KCNJ1: variants seen among roughly 807,000 people sequenced by gnomAD.
KCNJ1 encodes ATP-sensitive inward rectifier potassium channel 1.
KCNJ1 carries 24 observed loss-of-function variants against 21.9 expected under a neutral mutation model. The observed-to-expected ratio is 1.10, with a 90% CI of 0.79 to 1.54. The LOEUF (loss-of-function observed/expected upper bound fraction) is 1.54, where lower values mean the gene tolerates loss of function less well. KCNJ1 is among the 40% of genes most tolerant of loss of function. The pLI is 0.00. For synonymous variants in KCNJ1, 152 were observed against 160.9 expected (o/e 0.94, Z 0.42); for missense variants, 457 against 455.4 (o/e 1.00, Z -0.03).
rs561517078 is a variant in KCNJ1 at position 128,848,089 on chromosome 11, C to G, written c.-22+2632G>C. On this transcript the variant is annotated intron_variant, in intron 2 of 2. Transcript: ENST00000392666. ...GGATCACGAGGTCAGGAGATCGAGA[C>G]CATCCTGGCTAACATGGTGAAACTC... Among the ~76,000 whole-genome samples, 32 of 152,028 alleles carry G rather than the reference C, an allele frequency of 2.1e-4. No individual in the cohort carries two copies. The South Asian group carries it at 6.7e-3, about 32-fold the overall frequency.
intron 1 of KCNJ1, among the ~76,000 whole-genome samples, chr11:128,861,428 G>A (rs961794751): frequency 6.6e-6 from 1 of 152,186 alleles, no homozygotes; most frequent in Non-Finnish European, 1.5e-5. Context: ...GGCAAGATGT[G>A]AGCAGCAGGG....
At position 128,839,005 on chromosome 11, in the gene KCNJ1, C is replaced by A. The variant is rs145130405; in HGVS notation, c.*120G>T. The A allele has an allele frequency of 5.9e-5, 50 of 850,654 alleles. No homozygotes were observed. Among genetic ancestry groups the A allele is most frequent in the South Asian group, 1.7e-4 (12 of 68,696 alleles). The allele number at this position is 850,654 out of a possible 1,614,324, so 52.7% of individuals were successfully genotyped here. A position where few individuals can be genotyped will look rare whatever the true frequency, so the allele number is the denominator to read the frequency against. ...ATTGCGGGGCTCAGGGGTCTTTGTG[C>A]TGGTAGACTTTGAAGGCTCTCATCC... is the stretch of plus-strand genomic sequence containing the variant. On this transcript the variant is annotated 3_prime_UTR_variant, in exon 3 of 3. Transcript: ENST00000392666.
intron 2 of KCNJ1, among the ~76,000 whole-genome samples, chr11:128,842,189 T>G (rs1943294285): frequency 6.6e-6 from 1 of 152,236 alleles, no homozygotes; most frequent in Non-Finnish European, 1.5e-5. Context: ...CTTCTGAGTT[T>G]TTTTCCCAGC....
chr11:128,864,020 G>C (rs1014717500), intron 1 of KCNJ1, among the ~76,000 whole-genome samples: 4 of 149,230 alleles, frequency 2.7e-5, no homozygotes, highest in African/African-American at 9.8e-5. Flanking sequence ...GGTAACTTAA[G>C]GTTTGACCTT....
intron 2 of KCNJ1, among the ~76,000 whole-genome samples, chr11:128,847,187 A>C (rs765426150): frequency 2.0e-5 from 3 of 152,162 alleles, no homozygotes; most frequent in Non-Finnish European, 4.4e-5. Context: ...GCATCACCTG[A>C]AACATGCCCA....
At chr11:128,842,462 T>C in intron 2 of KCNJ1, 1 of 1,613,558 alleles carries the variant, frequency 6.2e-7, no homozygotes, top group East Asian at 2.2e-5. Context: ...GGTCTTTCTA[T>C]GCAGACTGAT....
intron 1 of KCNJ1, among the ~76,000 whole-genome samples, chr11:128,855,208 T>C (rs939637998): frequency 2.0e-5 from 3 of 152,342 alleles, no homozygotes; most frequent in Non-Finnish European, 4.4e-5. Flanking sequence ...GTTTTGGACA[T>C]ACTGTCTTCC....
Position 128,850,701 on chromosome 11 carries a change from T to A in KCNJ1, c.-22+20A>T. 1 of 980,102 alleles carries A rather than the reference T, an allele frequency of 1.0e-6. No homozygotes were observed. The highest frequency in any genetic ancestry group is 1.2e-6 in the Non-Finnish European group (1 of 825,058). 60.7% of individuals were successfully genotyped at this position (980,102 alleles called of 1,614,324 possible). The stretch of plus-strand genomic sequence containing the variant: ...GCCTGGGGTGTCCAATAGTTGCTTA[T>A]TGAAAATCAAGCCACTCACCTCTGT... On this transcript the variant is annotated intron_variant, in intron 2 of 2. Coordinates refer to ENST00000392666, the MANE Select transcript of KCNJ1 (RefSeq NM_153766.3).
chr11:128,863,826 T>C (rs1943762163), intron 1 of KCNJ1, among the ~76,000 whole-genome samples: 1 of 152,132 alleles, frequency 6.6e-6, no homozygotes, highest in Non-Finnish European at 1.5e-5. Flanking sequence ...GGTTTCTTTC[T>C]GCTATTTTTC....
At chr11:128,842,511 C>A in intron 2 of KCNJ1, 2 of 1,603,408 alleles carry the variant, frequency 1.2e-6, no homozygotes, top group South Asian at 2.2e-5. Context: ...AGGCGACAGT[C>A]AGTGGACTGA....
At chr11:128,865,253 G>A (rs1168771595) in intron 1 of KCNJ1, among the ~76,000 whole-genome samples, 3 of 152,042 alleles carry the variant, frequency 2.0e-5, no homozygotes, top group South Asian at 4.2e-4. Context: ...TGCAGGCAGC[G>A]ATGATACTAT....
intron 1 of KCNJ1, among the ~76,000 whole-genome samples, chr11:128,863,776 C>G (rs1390208863): frequency 6.6e-6 from 1 of 152,142 alleles, no homozygotes; most frequent in Admixed American, 6.5e-5. Flanking sequence ...TCTTTGGATC[C>G]TCAATAGTTT....
rs780690034 is a variant in KCNJ1 at position 128,839,453 on chromosome 11, G to A, written c.791C>T (p.Ala264Val). 2.5e-5 allele frequency: 40 copies of A among 1,613,992 alleles called. No homozygotes were observed. Among genetic ancestry groups the A allele is most frequent in the Middle Eastern group, 1.6e-4 (1 of 6,082 alleles). The change falls in exon 3 of 3, where the codon GCG becomes GTG. Residue 264 changes from alanine to valine, a missense_variant. By Grantham distance (64) the Ala-to-Val change is moderately conservative (BLOSUM62 0). Coordinates refer to ENST00000392666, the MANE Select transcript of KCNJ1 (RefSeq NM_153766.3). Reference protein sequence around the residue: ...DHNSPFFHMAAETLLQQDFEL... With the variant: ...DHNSPFFHMAVETLLQQDFEL... ...AAAGTCCTGCTGGAGAAGGGTCTCCGCTGCCATGTGGAAGAAAGGGCTGTT... is the reference window on the plus strand; with the variant it reads ...AAAGTCCTGCTGGAGAAGGGTCTCCACTGCCATGTGGAAGAAAGGGCTGTT...
Position 128,843,415 on chromosome 11 carries a change from G to T in KCNJ1, c.-21-3151C>A, listed in dbSNP as rs544893036. Among the ~76,000 whole-genome samples the T allele has an allele frequency of 2.2e-4, 33 of 152,288 alleles. No individual in the cohort carries two copies. In the South Asian group the frequency reaches 5.8e-3, roughly 27 times the overall value. On this transcript the variant is annotated intron_variant, in intron 2 of 2. Transcript: ENST00000392666. ...GCTAATATTTACCAAGGTATTTTTA[G>T]TGGCTTGGCAAAACAAGCGGATTAC...
chr11:128,863,108 G>A (rs1943750359), intron 1 of KCNJ1, among the ~76,000 whole-genome samples: 1 of 152,240 alleles, frequency 6.6e-6, no homozygotes, highest in Non-Finnish European at 1.5e-5. Flanking sequence ...TCACCTGAGA[G>A]AACTTGGGCT....
At chr11:128,858,833 C>G (rs967628012) in intron 1 of KCNJ1, among the ~76,000 whole-genome samples, 10 of 152,214 alleles carry the variant, frequency 6.6e-5, no homozygotes, top group African/African-American at 2.4e-4. Context: ...CTATAGGACT[C>G]AGTTGGTAGC....
At chr11:128,865,672 T>C (rs1054801811) in intron 1 of KCNJ1, among the ~76,000 whole-genome samples, 7 of 151,846 alleles carry the variant, frequency 4.6e-5, no homozygotes, top group African/African-American at 1.5e-4. Flanking sequence ...CTGGAGCAAG[T>C]AAAAGGCAAA....
At chr11:128,859,268 T>G (rs541817094) in intron 1 of KCNJ1, among the ~76,000 whole-genome samples, 1 of 152,342 alleles carries the variant, frequency 6.6e-6, no homozygotes, top group East Asian at 1.9e-4. Flanking sequence ...AACGCAGCTC[T>G]TTTTGAGACA....
rs1686476592 is a variant in KCNJ1 at position 128,853,496 on chromosome 11, T to C, written c.-191-2606A>G. On this transcript the variant is annotated intron_variant, in intron 1 of 2. Coordinates refer to ENST00000392666, the MANE Select transcript of KCNJ1 (RefSeq NM_153766.3). The stretch of plus-strand genomic sequence containing the variant: ...AGTTAGACTGGTGGCTGCCAGGGGC[T>C]GGGGAAGAGGCGGATGGGGAGTGAC... 5.9e-5 allele frequency among the ~76,000 whole-genome samples: 9 copies of C among 152,250 alleles called. No individual in the cohort carries two copies. The South Asian group carries it at 1.9e-3, about 32-fold the overall frequency.
Sources: gnomAD v4.1 joint callset for allele counts (sites outside exome capture counted in the v4.1 genomes callset) on GRCh38, gnomAD v4.1.1 for gene constraint, MANE v1.5 for transcripts, NCBI Gene and HGNC (gene_info 2026-07-23, HGNC 2026-07-21) for gene names.